GPHN: variants seen among roughly 807,000 people sequenced by gnomAD.
GPHN encodes the protein gephyrin.
GPHN carries 17 observed loss-of-function variants against 95.5 expected under a neutral mutation model. That is an observed-to-expected ratio of 0.18 (90% CI 0.12 to 0.27). The LOEUF is 0.27. Among genes scored for constraint, GPHN ranks in the 10% least tolerant of loss-of-function variants. GPHN has a pLI of 1.00. For synonymous variants in GPHN, 320 were observed against 322.5 expected, an observed-to-expected ratio of 0.99 and a Z score of 0.08; for missense variants, 660 against 978.1, an observed-to-expected ratio of 0.67 and a Z score of 4.34.
Position 66,976,915 on chromosome 14 carries a change from T to TGG in GPHN, c.963+11601_963+11602dup, listed in dbSNP as rs34249632. Reference sequence around the variant, plus strand: ...TAAATACATGCAGCACAGAAATATGTGGGGGGGGGGGGAGTACACTCTCAC... The same window carrying TGG: ...TAAATACATGCAGCACAGAAATATGTGGGGGGGGGGGGGGAGTACACTCTCAC... On this transcript the variant is annotated intron_variant, in intron 9 of 22. Coordinates refer to ENST00000478722, the MANE Select transcript of GPHN (RefSeq NM_020806.5). Among the ~76,000 whole-genome samples the TGG allele has an allele frequency of 6.5e-3, 534 of 81,704 alleles. 2 individuals are homozygous for TGG. Among genetic ancestry groups the TGG allele is most frequent in the African/African-American group, 0.015 (329 of 21,322 alleles). The allele number at this position is 81,704 out of a possible 152,430, so 53.6% of individuals were successfully genotyped here. A position where few individuals can be genotyped will look rare whatever the true frequency, so the allele number is the denominator to read the frequency against.
intron 1 of GPHN, among the ~76,000 whole-genome samples, chr14:66,558,938 C>G (rs1015688776): frequency 1.4e-5 from 2 of 144,968 alleles, no homozygotes; most frequent in African/African-American, 5.1e-5. Context: ...CTTCCTGTGT[C>G]CATGTGTTCT....
chr14:67,382,841 A>G, the GPHN span, among the ~76,000 whole-genome samples: 8 of 151,678 alleles, frequency 5.3e-5, no homozygotes, highest in South Asian at 2.1e-4. Flanking sequence ...AGAATTGGAG[A>G]AAAAAAAAGT....
intron 2 of GPHN, among the ~76,000 whole-genome samples, chr14:66,754,157 G>T (rs990864093): frequency 6.6e-6 from 1 of 151,814 alleles, no homozygotes; most frequent in Non-Finnish European, 1.5e-5. Flanking sequence ...ATCAATAATG[G>T]TATGAACATT....
intron 1 of GPHN, among the ~76,000 whole-genome samples, chr14:66,620,730 C>G: frequency 6.6e-6 from 1 of 152,112 alleles, no homozygotes. Context: ...TCCCAACAGT[C>G]CCCCAAAGTT....
chr14:66,956,300 A>G (rs1298229004), intron 8 of GPHN, among the ~76,000 whole-genome samples: 2 of 152,070 alleles, frequency 1.3e-5, no homozygotes, highest in Non-Finnish European at 2.9e-5. Flanking sequence ...TATTTGTCTC[A>G]AATTATTTTC....
chr14:66,743,645 G>A (rs1036486178), intron 2 of GPHN, among the ~76,000 whole-genome samples: 1 of 152,180 alleles, frequency 6.6e-6, no homozygotes, highest in Non-Finnish European at 1.5e-5. Flanking sequence ...GGGAGGCTGA[G>A]GCGGGAGAAT....
the GPHN span, among the ~76,000 whole-genome samples, chr14:67,253,951 A>T: frequency 6.7e-6 from 1 of 149,288 alleles, no homozygotes; most frequent in African/African-American, 2.5e-5. Context: ...GTTTGTGTTA[A>T]TATTTTGTTT....
chr14:66,871,461 G>C (rs1334304497), intron 4 of GPHN, among the ~76,000 whole-genome samples: 1 of 152,124 alleles, frequency 6.6e-6, no homozygotes, highest in African/African-American at 2.4e-5. Context: ...TGTTAACAGT[G>C]ACATCCCCTT....
chr14:67,393,484 C>T, the GPHN span, among the ~76,000 whole-genome samples: 4 of 152,048 alleles, frequency 2.6e-5, no homozygotes, highest in East Asian at 1.9e-4. Flanking sequence ...GACAGAGTCT[C>T]GCTCCGTCAC....
the GPHN span, among the ~76,000 whole-genome samples, chr14:67,262,596 G>A: frequency 6.6e-6 from 1 of 151,984 alleles, no homozygotes; most frequent in Non-Finnish European, 1.5e-5. Context: ...GTCTTTATTG[G>A]CCACTCCACT....
the GPHN span, among the ~76,000 whole-genome samples, chr14:67,714,021 C>T: frequency 7.9e-5 from 12 of 152,188 alleles, no homozygotes; most frequent in Non-Finnish European, 1.5e-4. Context: ...CAGTTCCCAG[C>T]TTGAATTTTC....
the GPHN span, chr14:67,674,440 A>C: frequency 6.2e-7 from 1 of 1,609,548 alleles, no homozygotes; most frequent in Non-Finnish European, 8.5e-7. Context: ...GCCGCGGAAG[A>C]TCTCGTGCAG....
intron 2 of GPHN, among the ~76,000 whole-genome samples, chr14:66,697,835 G>A (rs1300517695): frequency 1.3e-5 from 2 of 151,728 alleles, no homozygotes; most frequent in African/African-American, 4.8e-5. Flanking sequence ...CTACAGGCAT[G>A]TGCCACCACA....
chr14:66,701,778 G>T (rs886161008), intron 2 of GPHN, among the ~76,000 whole-genome samples: 4 of 152,152 alleles, frequency 2.6e-5, no homozygotes, highest in African/African-American at 9.7e-5. Context: ...CCAAGCTCCT[G>T]GGGGGAGGGG....
At chr14:67,570,330 A>C in the GPHN span, 1 of 1,068,124 alleles carries the variant, frequency 9.4e-7, no homozygotes, top group Non-Finnish European at 1.1e-6. Flanking sequence ...TCCTTCTAGA[A>C]TTACTGAGGT....
rs868625341 is a variant in GPHN, at chr14:66,994,614, A to T, written c.964-29019A>T. Among the ~76,000 whole-genome samples, 3 of 152,338 alleles carry T rather than the reference A, an allele frequency of 2.0e-5. No homozygotes were observed. In the Middle Eastern group the frequency reaches 0.01, roughly 518 times the overall value. ...GCAATAGAAAATAGAGAACTGAGTA[A>T]ATTTTAACAATGACAACACTCTCAA... On this transcript the variant is annotated intron_variant, in intron 9 of 22. Transcript: ENST00000478722.
At chr14:67,122,803 A>T (rs1409421914) in intron 17 of GPHN, among the ~76,000 whole-genome samples, 2 of 152,196 alleles carry the variant, frequency 1.3e-5, no homozygotes, top group Non-Finnish European at 2.9e-5. Flanking sequence ...TAGGACTTCT[A>T]TATTGATTTT....
At chr14:67,403,406 A>C in the GPHN span, among the ~76,000 whole-genome samples, 9 of 152,212 alleles carry the variant, frequency 5.9e-5, no homozygotes, top group Non-Finnish European at 1.3e-4. Context: ...CTTCTAATAG[A>C]AACATCTTCA....
intron 21 of GPHN, among the ~76,000 whole-genome samples, chr14:67,172,867 T>C (rs2082679520): frequency 1.3e-5 from 2 of 152,080 alleles, no homozygotes; most frequent in Non-Finnish European, 2.9e-5. Flanking sequence ...CAGCACAGGG[T>C]CTGCAGTCAC....
Sources: gnomAD v4.1 joint callset for allele counts (sites outside exome capture counted in the v4.1 genomes callset) on GRCh38, gnomAD v4.1.1 for gene constraint, MANE v1.5 for transcripts, NCBI Gene and HGNC (gene_info 2026-07-23, HGNC 2026-07-21) for gene names.